Variants in MUC4 observed in about 807,000 individuals in gnomAD.
The protein encoded by MUC4 is mucin 4, cell surface associated, also known as mucin-4.
In MUC4, 202 loss-of-function variants were observed where a neutral mutation model predicts 257.9. The ratio of observed to expected loss-of-function variants is 0.78; its 90% CI spans 0.70 to 0.88. MUC4 has a LOEUF of 0.88. Among genes scored for constraint, MUC4 ranks in the 40% least tolerant of loss-of-function variants. The pLI, the probability that MUC4 is intolerant of heterozygous loss-of-function variation, is 0.00. For missense variants in MUC4, 5,976 were observed against 6,513.7 expected (o/e 0.92, Z 2.84); for synonymous variants, 2,351 against 2,757.1 (o/e 0.85, Z 4.62).
At chr3:195,767,437 A>C (rs113064213) in intron 7 of MUC4, among the ~76,000 whole-genome samples, 18,317 of 147,596 alleles carry the variant, frequency 0.12, 1,401 homozygotes, top group Middle Eastern at 0.24. Flanking sequence ...CATCACCATC[A>C]CCATCACCAC....
At chr3:195,762,553 CGGCCCTGCACCGCAACGCACCG>C (rs1719317937) in intron 13 of MUC4, among the ~76,000 whole-genome samples, 9 of 133,950 alleles carry the variant, frequency 6.7e-5, no homozygotes, top group Admixed American at 1.5e-4. Flanking sequence ...GCAACGCACC[CGGCCCTGCACCGCAACGCACCG>C]GGCCCTGCAC....
rs532043831 is a variant in MUC4 at position 195,790,979 on chromosome 3, G to A, written c.601C>T (p.Arg201Trp). ...TSASSQNHWT[R>W]STQTTRESQT... ...GATTCCCTGGTGGTCTGCGTGCTCC[G>A]AGTCCAGTGGTTCTGAGAAGAAGCT... is the stretch of plus-strand genomic sequence containing the variant. The change falls in exon 2 of 25, where the codon CGG (arginine) becomes TGG (tryptophan). Residue 201 changes from arginine to tryptophan, a missense_variant. This residue lies in a region of MUC4 where 1,583 missense variants were observed against 1,257.4 expected (regional missense o/e 1.26). Transcript: ENST00000463781. 94 of 1,613,620 alleles carry A rather than the reference G, an allele frequency of 5.8e-5. No homozygotes were observed. The highest frequency in any genetic ancestry group is 3.3e-4 in the Middle Eastern group (2 of 6,060).
chr3:195,767,603 TCACCATTGCCACCACCATCAC>T (rs1251084883), intron 7 of MUC4, among the ~76,000 whole-genome samples: 9 of 42,484 alleles, frequency 2.1e-4, no homozygotes, highest in African/African-American at 4.9e-4. Flanking sequence ...ACCACCATCA[TCACCATTGCCACCACCATCAC>T]CACCATCACC....
At chr3:195,801,720 C>A (rs1412540622) in intron 1 of MUC4, among the ~76,000 whole-genome samples, 1 of 152,160 alleles carries the variant, frequency 6.6e-6, no homozygotes, top group East Asian at 1.9e-4. Flanking sequence ...TCCTTCCCAA[C>A]AGCAAAAACG....
At chr3:195,804,319 G>T (rs987219425) in intron 1 of MUC4, among the ~76,000 whole-genome samples, 3 of 152,264 alleles carry the variant, frequency 2.0e-5, no homozygotes, top group Non-Finnish European at 4.4e-5. Flanking sequence ...AGGCCGAGTG[G>T]CAGTAGGCAT....
chr3:195,748,758 A>G, intron 24 of MUC4, 144 bp downstream of exon 24: 1 of 1,119,734 alleles, frequency 8.9e-7, no homozygotes, highest in South Asian at 1.9e-5. Flanking sequence ...CAGAGCAGGC[A>G]CTCACAACTC....
At chr3:195,761,679 C>T in intron 14 of MUC4, 94 bp from the exon 15 acceptor site, 1 of 944,076 alleles carries the variant, frequency 1.1e-6, no homozygotes, top group Non-Finnish European at 1.7e-6. Context: ...AGGCCAGGGC[C>T]TGGCAGCCTC....
At position 195,779,514 on chromosome 3, in the gene MUC4, AG is replaced by A; in HGVS notation, c.12065del (p.Pro4022LeufsTer237). ...GHATPLPVTS[P>X]SSASTGHATP... The stretch of plus-strand genomic sequence containing the variant: ...TGGCGTGACCTGTGGATGCTGAGGA[AG>A]GGCTGGTGACAGGAAGAGGGGTGGC... On this transcript the variant is annotated frameshift_variant, in exon 2 of 25. Coordinates refer to ENST00000463781, the MANE Select transcript of MUC4 (RefSeq NM_018406.7). LOFTEE classifies it high-confidence loss of function. 1.6e-6 allele frequency: 2 copies of A among 1,259,008 alleles called. No homozygotes were observed. Among genetic ancestry groups the A allele is most frequent in the African/African-American group, 3.5e-5 (2 of 56,664 alleles). The allele number at this position is 1,259,008 out of a possible 1,614,324, so 78.0% of individuals were successfully genotyped here. A position where few individuals can be genotyped will look rare whatever the true frequency, so the allele number is the denominator to read the frequency against.
chr3:195,751,677 T>G (rs1716476910), intron 21 of MUC4: 1 of 302,854 alleles, frequency 3.3e-6, no homozygotes, highest in East Asian at 7.1e-5. Flanking sequence ...ACTCAAAGAG[T>G]GCATTGTCTG....
intron 10 of MUC4, 107 bp from the exon 11 acceptor site, chr3:195,764,271 AGCTTGGC>A (rs1438458545): frequency 1.5e-6 from 2 of 1,305,384 alleles, no homozygotes; most frequent in African/African-American, 1.5e-5. Flanking sequence ...GTTGGTGGAG[AGCTTGGC>A]AGGGCAGGGC....
At position 195,782,901 on chromosome 3, in the gene MUC4, G is replaced by C. The variant is rs1485188745; in HGVS notation, c.8679C>G (p.His2893Gln). 2.6e-5 allele frequency: 40 copies of C among 1,513,648 alleles called. No homozygotes were observed. The East Asian group carries it at 3.5e-4, about 13-fold the overall frequency. 93.8% of individuals were successfully genotyped at this position (1,513,648 alleles called of 1,614,324 possible). ...GGCTGGTGAGAGGAAGAGGGGTAGC[G>C]TGACCTGTGGACACTGAGGAAGCGT... ...VTDASSVSTGHATPLPLTSLS... is the reference protein window; with the variant it reads ...VTDASSVSTGQATPLPLTSLS... The change falls in exon 2 of 25, where the codon CAC becomes CAG. Residue 2893 changes from histidine to glutamine, a missense_variant. By Grantham distance (24) the His-to-Gln change is conservative. Coordinates refer to ENST00000463781, the MANE Select transcript of MUC4 (RefSeq NM_018406.7).
rs767210780 is a variant in MUC4, at chr3:195,790,157, C to T, written c.1423G>A (p.Val475Met). 6.2e-7 allele frequency: 1 copy of T among 1,614,012 alleles called. No individual in the cohort carries two copies. Among genetic ancestry groups the T allele is most frequent in the Admixed American group, 1.7e-5 (1 of 60,024 alleles). Residue 475 changes from valine to methionine, a missense_variant, in exon 2 of 25, where the codon GTG becomes ATG. By Grantham distance (21) the Val-to-Met change is conservative. Transcript: ENST00000463781. Reference sequence around the variant, plus strand: ...TGTAGAGTAAATATTTCTTGAGACACACCTGGAGAGAATGAGCTCCTCTCA... The same window carrying T: ...TGTAGAGTAAATATTTCTTGAGACATACCTGGAGAGAATGAGCTCCTCTCA... ...PHERSSFSPG[V>M]SQEIFTLHET...
In MUC4 at chr3:195,749,040, T is replaced by G. The variant is rs767117578; in HGVS notation, c.15896A>C (p.Tyr5299Ser). The change falls in exon 24 of 25, where the codon TAC becomes TCC. Residue 5299 changes from tyrosine (Y) to serine (S), a missense_variant. By Grantham distance (144) the Tyr-to-Ser change is moderately radical. Coordinates refer to ENST00000463781, the MANE Select transcript of MUC4 (RefSeq NM_018406.7). The part of the protein sequence containing the change: ...TALNVSTLKA[Y>S]FRCDGYKGYD... ...GCCCTTGTAGCCATCGCATCTGAAG[T>G]AAGCCTTCAGCGTGCTCACGTTCAC... The G allele has an allele frequency of 2.5e-6, 4 of 1,606,294 alleles. No individual in the cohort carries two copies.
chr3:195,778,197 A>C, intron 3 of MUC4, 106 bp downstream of exon 3: 8 of 1,382,888 alleles, frequency 5.8e-6, no homozygotes, highest in Non-Finnish European at 7.8e-6. Flanking sequence ...GTCCTCGGTA[A>C]GGCCCTCCCC....
chr3:195,751,381 C>T, intron 21 of MUC4, 110 bp from the exon 22 acceptor site: 1 of 813,902 alleles, frequency 1.2e-6, no homozygotes, highest in Non-Finnish European at 2.1e-6. Context: ...GAACGGGAGC[C>T]CCAGGACCCC....
Position 195,786,586 on chromosome 3 carries a change from A to G in MUC4, c.4994T>C (p.Leu1665Pro). ...SSASTGHATP[L>P]PVTSTSSAST... ...TGCTGAGGAAGTGCTGGTGACAGGA[A>G]GAGGGGTGGCGTGACCTGTGGATGC... is the stretch of plus-strand genomic sequence containing the variant. The change falls in exon 2 of 25, where the codon CTT becomes CCT. Residue 1665 changes from leucine (L) to proline (P), a missense_variant. Physicochemically the swap from Leu to Pro is moderately conservative, Grantham distance 98. Coordinates refer to ENST00000463781, the MANE Select transcript of MUC4 (RefSeq NM_018406.7). 6.6e-7 allele frequency: 1 copy of G among 1,526,278 alleles called. No homozygotes were observed. Among genetic ancestry groups the G allele is most frequent in the Non-Finnish European group, 8.8e-7 (1 of 1,131,964 alleles). The allele number at this position is 1,526,278 out of a possible 1,614,324, so 94.5% of individuals were successfully genotyped here.
At chr3:195,761,393 A>G in intron 15 of MUC4, 91 bp downstream of exon 15, 1 of 1,104,418 alleles carries the variant, frequency 9.1e-7, no homozygotes. Context: ...GGGAGGATGG[A>G]GGTCTGCTTC....
chr3:195,757,482 G>A lies in MUC4; in HGVS notation c.14987-154C>T, dbSNP rs1030659937. On this transcript the variant is annotated intron_variant, in intron 17 of 24. Coordinates refer to ENST00000463781, the MANE Select transcript of MUC4 (RefSeq NM_018406.7). The surrounding 1 kb of genome is among the most constrained non-coding windows in gnomAD (Gnocchi z 4.8). ...ATTTCCTTTGAGCAAGGCTGGTATC[G>A]GGGGTGATCCTGGTCACGCTCCCAG... Among the ~76,000 whole-genome samples, 5 of 151,070 alleles carry A rather than the reference G, an allele frequency of 3.3e-5. No homozygotes were observed. The highest frequency in any genetic ancestry group is 2.1e-4 in the South Asian group (1 of 4,800).
At chr3:195,796,415 T>G (rs1252619867) in intron 1 of MUC4, among the ~76,000 whole-genome samples, 1 of 150,304 alleles carries the variant, frequency 6.7e-6, no homozygotes, top group Non-Finnish European at 1.5e-5. Context: ...ATCAGCAGTT[T>G]AAAAAATATA....
Sources: gnomAD v4.1 joint callset for allele counts (sites outside exome capture counted in the v4.1 genomes callset) on GRCh38, gnomAD v4.1.1 for gene constraint, gnomAD v4.1.1 regional missense constraint, Gnocchi (gnomAD v3.1) non-coding constraint, MANE v1.5 for transcripts, NCBI Gene and HGNC (gene_info 2026-07-23, HGNC 2026-07-21) for gene names.